ADAMTSL3: variants seen among roughly 807,000 people sequenced by gnomAD.
The protein encoded by ADAMTSL3 is ADAMTS-like protein 3.
A neutral mutation model predicts 201.7 loss-of-function variants in ADAMTSL3; 128 were observed. The observed-to-expected ratio is 0.63, with a 90% CI of 0.55 to 0.73. The LOEUF is 0.73. Ranked by LOEUF, ADAMTSL3 falls within the 30% of genes least tolerant of loss-of-function variation. The pLI is 0.00. For synonymous variants in ADAMTSL3, 738 were observed against 748.4 expected, an observed-to-expected ratio of 0.99 and a Z score of 0.23; for missense variants, 1,990 against 2,119.6, an observed-to-expected ratio of 0.94 and a Z score of 1.20.
chr15:83,891,089 A>G (rs2065490636), intron 11 of ADAMTSL3: 1 of 453,588 alleles, frequency 2.2e-6, no homozygotes, highest in Non-Finnish European at 3.9e-6. Flanking sequence ...CCTTTGATTA[A>G]TATACTGCTA....
chr15:83,777,356 G>A (rs1340128131), intron 4 of ADAMTSL3, among the ~76,000 whole-genome samples: 1 of 152,194 alleles, frequency 6.6e-6, no homozygotes, highest in Non-Finnish European at 1.5e-5. Flanking sequence ...GCTGACATCA[G>A]CCATCAGAGT....
intron 15 of ADAMTSL3, among the ~76,000 whole-genome samples, chr15:83,901,970 T>C (rs2065733347): frequency 6.6e-6 from 1 of 152,208 alleles, no homozygotes; most frequent in South Asian, 2.1e-4. Context: ...ATGTCCTCTT[T>C]TGGGTAATAG....
chr15:83,861,754 G>C (rs2064867568), intron 8 of ADAMTSL3: 1 of 152,220 alleles, frequency 6.6e-6, no homozygotes, highest in Non-Finnish European at 1.5e-5. Context: ...ACCAGCAACG[G>C]AACAAAGCTG....
intron 3 of ADAMTSL3, among the ~76,000 whole-genome samples, chr15:83,761,252 C>T (rs1173260548): frequency 6.6e-6 from 1 of 151,982 alleles, no homozygotes; most frequent in East Asian, 1.9e-4. Context: ...TACTTTAAGG[C>T]CATTTATCTC....
intron 4 of ADAMTSL3, among the ~76,000 whole-genome samples, chr15:83,799,605 T>C (rs1304301056): frequency 6.6e-6 from 1 of 152,186 alleles, no homozygotes; most frequent in African/African-American, 2.4e-5. Flanking sequence ...TAATAAATTA[T>C]AGTGCTATGA....
chr15:83,991,326 T>G, intron 23 of ADAMTSL3, 112 bp downstream of exon 23: 1 of 1,494,410 alleles, frequency 6.7e-7, no homozygotes, highest in Non-Finnish European at 9.1e-7. Context: ...CTCAGCCTGA[T>G]AGGCTTAAAA....
intron 20 of ADAMTSL3, among the ~76,000 whole-genome samples, chr15:83,971,547 A>C (rs962796668): frequency 2.2e-5 from 3 of 134,114 alleles, no homozygotes; most frequent in Non-Finnish European, 4.7e-5. Context: ...ACAGAGTGTG[A>C]GACTCTGTCT....
chr15:83,805,490 A>T (rs998993283), intron 5 of ADAMTSL3, among the ~76,000 whole-genome samples: 1 of 151,818 alleles, frequency 6.6e-6, no homozygotes, highest in Admixed American at 6.6e-5. Flanking sequence ...CCAGGAGGTG[A>T]AGCTTGCAGT....
intron 4 of ADAMTSL3, among the ~76,000 whole-genome samples, chr15:83,794,664 G>GA (rs149434435): frequency 0.088 from 13,351 of 152,010 alleles, 742 homozygotes; most frequent in East Asian, 0.25. Context: ...GATAGGGTGG[G>GA]GGGGAGGAGA....
At chr15:83,660,189 G>A (rs1450277183) in intron 2 of ADAMTSL3, among the ~76,000 whole-genome samples, 1 of 152,112 alleles carries the variant, frequency 6.6e-6, no homozygotes, top group Non-Finnish European at 1.5e-5. Context: ...ATTGACATGA[G>A]GACAAAAGAA....
chr15:84,028,916 C>G lies in ADAMTSL3; in HGVS notation c.4657-2419C>G, dbSNP rs985710237. On this transcript the variant is annotated intron_variant, in intron 27 of 29. Transcript: ENST00000286744. ...TTATAAGAGGCTTTTCCCCCTTTGG[C>G]ACTTCTCCTTCCTGCTGCCTTGTGA... Among the ~76,000 whole-genome samples the G allele has an allele frequency of 3.9e-5, 6 of 152,314 alleles. 1 individual carries two copies.
At chr15:83,752,620 A>T (rs1400167248) in intron 3 of ADAMTSL3, among the ~76,000 whole-genome samples, 1 of 152,238 alleles carries the variant, frequency 6.6e-6, no homozygotes, top group Non-Finnish European at 1.5e-5. Flanking sequence ...TTCTGTAATT[A>T]TGGAAATTTC....
chr15:83,695,831 G>T (rs1309047116), intron 2 of ADAMTSL3, among the ~76,000 whole-genome samples: 2 of 152,054 alleles, frequency 1.3e-5, no homozygotes, highest in African/African-American at 2.4e-5. Context: ...CATAATGACC[G>T]CATTCTACTT....
chr15:84,018,046 C>T (rs2068119637), intron 25 of ADAMTSL3, among the ~76,000 whole-genome samples: 1 of 152,174 alleles, frequency 6.6e-6, no homozygotes, highest in African/African-American at 2.4e-5. Context: ...TGGTGTGTTG[C>T]ATGTGGCATG....
intron 8 of ADAMTSL3, among the ~76,000 whole-genome samples, chr15:83,863,374 T>C (rs2064907657): frequency 6.6e-6 from 1 of 152,138 alleles, no homozygotes; most frequent in Non-Finnish European, 1.5e-5. Context: ...AGTGAAGCAC[T>C]CCTCAGCAAA....
chr15:83,944,592 G>C (rs2066621380), intron 19 of ADAMTSL3, among the ~76,000 whole-genome samples: 2 of 152,146 alleles, frequency 1.3e-5, no homozygotes, highest in South Asian at 4.1e-4. Flanking sequence ...TTATAGATGA[G>C]AAAAACAGAG....
At chr15:83,910,242 G>C (rs1241387808) in intron 15 of ADAMTSL3, among the ~76,000 whole-genome samples, 2 of 151,580 alleles carry the variant, frequency 1.3e-5, no homozygotes, top group South Asian at 2.1e-4. Context: ...GTTCTTCCAT[G>C]TGCAAAGACG....
chr15:83,663,555 A>G (rs2061204964), intron 2 of ADAMTSL3, among the ~76,000 whole-genome samples: 1 of 152,164 alleles, frequency 6.6e-6, no homozygotes, highest in African/African-American at 2.4e-5. Context: ...TTCTTAGTGT[A>G]CTGTGCTTTG....
chr15:84,008,981 C>T (rs554348148), intron 23 of ADAMTSL3, among the ~76,000 whole-genome samples: 2 of 152,088 alleles, frequency 1.3e-5, no homozygotes, highest in Non-Finnish European at 2.9e-5. Context: ...CAGAATAGGC[C>T]CAGAATCTGA....
Sources: allele counts gnomAD v4.1 joint callset (sites outside exome capture counted in the v4.1 genomes callset), GRCh38; gene constraint gnomAD v4.1.1; transcripts MANE v1.5; gene names NCBI Gene and HGNC (gene_info 2026-07-23, HGNC 2026-07-21).